The following KCNJ6 variants were observed in gnomAD, a reference collection of about 807,000 sequenced individuals.
KCNJ6 encodes the protein potassium inwardly rectifying channel subfamily J member 6.
KCNJ6 carries 9 observed loss-of-function variants against 34.2 expected under a neutral mutation model. That is an observed-to-expected ratio of 0.26 (90% CI 0.16 to 0.46). The LOEUF is 0.46. Among genes scored for constraint, KCNJ6 ranks in the 20% least tolerant of loss-of-function variants. The probability of loss-of-function intolerance (pLI) is 1.00; values close to 1 mark genes in which losing one functional copy is unlikely to be tolerated. For synonymous variants in KCNJ6, 196 were observed against 207.1 expected, an observed-to-expected ratio of 0.95 and a Z score of 0.46; for missense variants, 236 against 531.3, an observed-to-expected ratio of 0.44 and a Z score of 5.46.
intron 3 of KCNJ6, among the ~76,000 whole-genome samples, chr21:37,664,185 A>C (rs1787396): frequency 0.58 from 87,223 of 151,368 alleles, 25,343 homozygotes; most frequent in East Asian, 0.84. Context: ...AACTACATAT[A>C]AAAAGTTTTG....
chr21:37,730,239 T>G (rs746549734), intron 2 of KCNJ6, among the ~76,000 whole-genome samples: 1 of 152,210 alleles, frequency 6.6e-6, no homozygotes, highest in Non-Finnish European at 1.5e-5. Context: ...ATATGCAAAA[T>G]AGGGTGAAAT....
At chr21:37,679,509 G>C (rs950802235) in intron 3 of KCNJ6, among the ~76,000 whole-genome samples, 1 of 152,242 alleles carries the variant, frequency 6.6e-6, no homozygotes, top group African/African-American at 2.4e-5. Context: ...CTGGCATGCA[G>C]TAAATACTCA....
intron 2 of KCNJ6, among the ~76,000 whole-genome samples, chr21:37,719,944 T>G (rs924151896): frequency 1.3e-5 from 2 of 152,128 alleles, no homozygotes; most frequent in Non-Finnish European, 2.9e-5. Flanking sequence ...AGGTGAAACT[T>G]CCAGTATCCA....
chr21:37,756,730 A>C (rs62224365), intron 2 of KCNJ6, among the ~76,000 whole-genome samples: 79,462 of 83,016 alleles, frequency 0.96, 38,432 homozygotes, highest in East Asian at 0.98. Flanking sequence ...TCACAGATTC[A>C]AGCCCGGAGT....
intron 1 of KCNJ6, among the ~76,000 whole-genome samples, chr21:37,888,348 A>G (rs2055745757): frequency 6.6e-6 from 1 of 152,324 alleles, no homozygotes; most frequent in Non-Finnish European, 1.5e-5. Flanking sequence ...GCCCAGGAAC[A>G]AAAAGAACAC....
In KCNJ6 at chr21:37,622,861, G is replaced by A. The variant is rs1413557304; in HGVS notation, c.*2298C>T. ...CAGTGAGTCTTCAAGAGCTAAATTA[G>A]AAGACATTTTGCCGCCCCTATTCCA... On this transcript the variant is annotated 3_prime_UTR_variant, in exon 4 of 4. Transcript: ENST00000609713. The A allele has an allele frequency of 6.6e-6, 1 of 152,206 alleles. No homozygotes were observed. Among genetic ancestry groups the A allele is most frequent in the Non-Finnish European group, 1.5e-5 (1 of 68,052 alleles). The allele number at this position is 152,206 out of a possible 1,614,324, so 9.4% of individuals were successfully genotyped here.
chr21:37,701,547 C>G (rs1226799648), intron 3 of KCNJ6, among the ~76,000 whole-genome samples: 2 of 152,150 alleles, frequency 1.3e-5, no homozygotes, highest in Non-Finnish European at 2.9e-5. Context: ...CCGCTGTGGT[C>G]CAGGAACTGC....
chr21:37,909,348 T>A (rs528728219), intron 1 of KCNJ6, among the ~76,000 whole-genome samples: 6 of 152,106 alleles, frequency 3.9e-5, no homozygotes, highest in Non-Finnish European at 8.8e-5. Context: ...GCCTACTTTG[T>A]GCTGGACACT....
intron 2 of KCNJ6, among the ~76,000 whole-genome samples, chr21:37,780,574 G>T (rs1475947397): frequency 6.6e-6 from 1 of 151,740 alleles, no homozygotes; most frequent in Non-Finnish European, 1.5e-5. Flanking sequence ...GTGTGTGTAT[G>T]TGGTGGGGGT....
chr21:37,704,660 GTCATCA>G (rs56195622), intron 3 of KCNJ6, among the ~76,000 whole-genome samples: 3 of 150,474 alleles, frequency 2.0e-5, no homozygotes, highest in African/African-American at 4.9e-5. Context: ...ATGAGTCGTC[GTCATCA>G]TCATCATCAT....
chr21:37,632,416 A>G (rs1192899108), intron 3 of KCNJ6, among the ~76,000 whole-genome samples: 1 of 152,128 alleles, frequency 6.6e-6, no homozygotes, highest in Non-Finnish European at 1.5e-5. Context: ...TATATTAGAA[A>G]ACAAGAAAGT....
At chr21:37,889,753 A>G (rs1261637089) in intron 1 of KCNJ6, among the ~76,000 whole-genome samples, 1 of 151,952 alleles carries the variant, frequency 6.6e-6, no homozygotes, top group Admixed American at 6.6e-5. Context: ...CATCACTCCA[A>G]TCTCTGCCAC....
intron 3 of KCNJ6, among the ~76,000 whole-genome samples, chr21:37,668,364 T>C (rs577758113): frequency 6.6e-6 from 1 of 152,226 alleles, no homozygotes; most frequent in African/African-American, 2.4e-5. Context: ...AATAACACAG[T>C]TCTCTCTCCT....
At chr21:37,840,025 CT>C (rs1336570416) in intron 2 of KCNJ6, among the ~76,000 whole-genome samples, 1 of 152,214 alleles carries the variant, frequency 6.6e-6, no homozygotes, top group Non-Finnish European at 1.5e-5. Context: ...TCTTGAACTC[CT>C]GACCTCAAGT....
At chr21:37,755,299 A>G (rs2055018415) in intron 2 of KCNJ6, among the ~76,000 whole-genome samples, 1 of 152,176 alleles carries the variant, frequency 6.6e-6, no homozygotes. Context: ...AAAAAGAAAA[A>G]AAAAGAAAAA....
intron 1 of KCNJ6, among the ~76,000 whole-genome samples, chr21:37,901,347 T>A (rs995392099): frequency 6.6e-6 from 1 of 152,202 alleles, no homozygotes; most frequent in Non-Finnish European, 1.5e-5. Context: ...ATACCCAAAA[T>A]ACACTTTCTC....
intron 3 of KCNJ6, among the ~76,000 whole-genome samples, chr21:37,706,124 C>T (rs2054718202): frequency 6.6e-6 from 1 of 152,190 alleles, no homozygotes; most frequent in African/African-American, 2.4e-5. Flanking sequence ...CAGAGGGATA[C>T]TCACCTCTTA....
Position 37,614,345 on chromosome 21 carries a change from T to C in KCNJ6, c.*10814A>G, listed in dbSNP as rs1372966261. The C allele has an allele frequency of 6.7e-6, 1 of 150,236 alleles. No homozygotes were observed. Among genetic ancestry groups the C allele is most frequent in the Non-Finnish European group, 1.5e-5 (1 of 67,820 alleles). The allele number at this position is 150,236 out of a possible 1,614,324, so 9.3% of individuals were successfully genotyped here. A position where few individuals can be genotyped will look rare whatever the true frequency, so the allele number is the denominator to read the frequency against. ...CTTTTGTGGTGTCACTCATAACTGA[T>C]TGGAAAGGATAAGAGTGTGTGTGTG... On this transcript the variant is annotated 3_prime_UTR_variant, in exon 4 of 4. Coordinates refer to ENST00000609713, the MANE Select transcript of KCNJ6 (RefSeq NM_002240.5).
intron 2 of KCNJ6, among the ~76,000 whole-genome samples, chr21:37,731,725 G>C (rs1238114333): frequency 6.6e-6 from 1 of 152,192 alleles, no homozygotes; most frequent in Non-Finnish European, 1.5e-5. Context: ...CAGAGGATGA[G>C]AGTATAGAGC....
Sources: allele counts gnomAD v4.1 joint callset (sites outside exome capture counted in the v4.1 genomes callset), GRCh38; gene constraint gnomAD v4.1.1; transcripts MANE v1.5; gene names NCBI Gene and HGNC (gene_info 2026-07-23, HGNC 2026-07-21).